EYS: variants seen among roughly 807,000 people sequenced by gnomAD.
The protein encoded by EYS is EGF-like photoreceptor maintenance factor.
In EYS, 250 loss-of-function variants were observed where a neutral mutation model predicts 282.1. The observed-to-expected ratio is 0.89, with a 90% CI of 0.80 to 0.98. The LOEUF (loss-of-function observed/expected upper bound fraction) is 0.98, where lower values mean the gene tolerates loss of function less well. Among genes scored for constraint, EYS ranks in the 50% least tolerant of loss-of-function variants. The pLI is 0.00. For synonymous variants in EYS, 1,355 were observed against 1,282.9 expected (o/e 1.06, Z -1.20); for missense variants, 4,016 against 3,709.0 (o/e 1.08, Z -2.15).
intron 18 of EYS, among the ~76,000 whole-genome samples, chr6:64,891,061 G>T (rs1419558562): frequency 6.6e-6 from 1 of 151,768 alleles, no homozygotes; most frequent in Non-Finnish European, 1.5e-5. Flanking sequence ...TGTTCAACTG[G>T]AATGTTGGGG....
At chr6:65,524,928 G>C (rs9354260) in intron 2 of EYS, among the ~76,000 whole-genome samples, 1 of 152,010 alleles carries the variant, frequency 6.6e-6, no homozygotes, top group African/African-American at 2.4e-5. Flanking sequence ...AGTGTTTATC[G>C]TTGCTGCTGG....
chr6:64,000,095 CTTATTTT>C (rs1267833809), intron 33 of EYS, among the ~76,000 whole-genome samples: 7 of 134,652 alleles, frequency 5.2e-5, no homozygotes, highest in African/African-American at 8.2e-5. Context: ...AACGATCAGA[CTTATTTT>C]TTATTTTTTA....
Position 64,682,551 on chromosome 6 carries a change from G to C in EYS, c.3444-56306C>G, listed in dbSNP as rs1055179262. 2.0e-5 allele frequency among the ~76,000 whole-genome samples: 3 copies of C among 152,020 alleles called. 1 individual carries two copies. Among genetic ancestry groups the C allele is most frequent in the Non-Finnish European group, 4.4e-5 (3 of 68,010 alleles). On this transcript the variant is annotated intron_variant, in intron 22 of 42. Coordinates refer to ENST00000503581, the MANE Select transcript of EYS (RefSeq NM_001142800.2). Reference sequence around the variant, plus strand: ...AAAATGGCAGAGTATGACCTTCCAGGGGCAGTTCATCAGAAAAGTGAAGAA... The same window carrying C: ...AAAATGGCAGAGTATGACCTTCCAGCGGCAGTTCATCAGAAAAGTGAAGAA...
chr6:64,231,411 C>G (rs1257385941), intron 30 of EYS, among the ~76,000 whole-genome samples: 1 of 152,058 alleles, frequency 6.6e-6, no homozygotes, highest in African/African-American at 2.4e-5. Context: ...TTCAAAACCC[C>G]TTGACAATCT....
At position 65,175,270 on chromosome 6, in the gene EYS, A is replaced by G. The variant is rs79829009; in HGVS notation, c.2024-117543T>C. 3.3e-3 allele frequency among the ~76,000 whole-genome samples: 507 copies of G among 151,464 alleles called. 2 individuals are homozygous for G. Among genetic ancestry groups the G allele is most frequent in the African/African-American group, 0.012 (486 of 41,494 alleles). ...AGCATTGATAGAATGTTCAACTGGA[A>G]ACAGTTTTCAGACATTTGGAATATA... is the stretch of plus-strand genomic sequence containing the variant. On this transcript the variant is annotated intron_variant, in intron 12 of 42. Coordinates refer to ENST00000503581, the MANE Select transcript of EYS (RefSeq NM_001142800.2).
At chr6:65,658,605 T>C (rs990560542) in intron 1 of EYS, among the ~76,000 whole-genome samples, 4 of 151,724 alleles carry the variant, frequency 2.6e-5, no homozygotes, top group African/African-American at 9.7e-5. Flanking sequence ...TACTCAGATA[T>C]TCAGTATATT....
At chr6:64,642,843 C>T (rs1252060832) in intron 22 of EYS, among the ~76,000 whole-genome samples, 6 of 152,176 alleles carry the variant, frequency 3.9e-5, no homozygotes, top group South Asian at 2.1e-4. Context: ...GGGCCAGGTG[C>T]GGTGGCTCAC....
chr6:64,252,966 T>C (rs1342277048), intron 30 of EYS, among the ~76,000 whole-genome samples: 1 of 152,100 alleles, frequency 6.6e-6, no homozygotes, highest in Non-Finnish European at 1.5e-5. Flanking sequence ...CATTCAATAG[T>C]TGCAGAGTAG....
intron 19 of EYS, among the ~76,000 whole-genome samples, chr6:64,852,014 A>C (rs1765901464): frequency 6.6e-6 from 1 of 152,178 alleles, no homozygotes; most frequent in Non-Finnish European, 1.5e-5. Context: ...GGGATAAAGT[A>C]CATTTATATT....
intron 15 of EYS, among the ~76,000 whole-genome samples, chr6:64,943,426 T>C (rs1418858638): frequency 6.6e-6 from 1 of 152,106 alleles, no homozygotes; most frequent in Non-Finnish European, 1.5e-5. Context: ...ACTGGTGATA[T>C]GATTCTACAC....
At chr6:65,123,627 G>A (rs1049979710) in intron 12 of EYS, among the ~76,000 whole-genome samples, 9 of 152,034 alleles carry the variant, frequency 5.9e-5, no homozygotes, top group Non-Finnish European at 1.2e-4. Flanking sequence ...AACCAGAGTG[G>A]CTAATATATG....
chr6:64,473,573 C>T (rs1020805130), intron 26 of EYS, among the ~76,000 whole-genome samples: 2 of 152,108 alleles, frequency 1.3e-5, no homozygotes, highest in Non-Finnish European at 2.9e-5. Context: ...ATGATAAATA[C>T]AATTATGTCA....
intron 5 of EYS, among the ~76,000 whole-genome samples, chr6:65,460,084 C>T (rs1453199525): frequency 6.9e-6 from 1 of 145,486 alleles, no homozygotes; most frequent in South Asian, 2.2e-4. Flanking sequence ...TACACACACA[C>T]ACACACACAC....
intron 1 of EYS, among the ~76,000 whole-genome samples, chr6:65,672,569 A>G (rs1768426577): frequency 6.6e-6 from 1 of 152,152 alleles, no homozygotes; most frequent in African/African-American, 2.4e-5. Context: ...AACAAGGCAC[A>G]TGAAGAAACT....
intron 35 of EYS, among the ~76,000 whole-genome samples, chr6:63,887,570 C>T (rs1399599408): frequency 6.6e-6 from 1 of 152,126 alleles, no homozygotes; most frequent in Non-Finnish European, 1.5e-5. Context: ...GAACTCCATC[C>T]CCTAGCCAAG....
rs151096988 is a variant in EYS, at chr6:64,951,480, C to A, written c.2260-5566G>T. ...AAGTTTGAAACAAATGTCTGCCATT[C>A]AATAAAAAAGTTTCTTAAATGCTGA... On this transcript the variant is annotated intron_variant, in intron 14 of 42. Coordinates refer to ENST00000503581, the MANE Select transcript of EYS (RefSeq NM_001142800.2). Among the ~76,000 whole-genome samples the A allele has an allele frequency of 1.1e-3, 174 of 151,836 alleles. 1 individual carries two copies. Among genetic ancestry groups the A allele is most frequent in the African/African-American group, 4.1e-3 (172 of 41,476 alleles).
In EYS at chr6:64,801,363, T is replaced by C. The variant is rs577677251; in HGVS notation, c.3443+12015A>G. 1.1e-4 allele frequency among the ~76,000 whole-genome samples: 17 copies of C among 152,300 alleles called. 1 individual carries two copies. In the South Asian group the frequency reaches 3.5e-3, roughly 32 times the overall value. ...ATTAAAAACCATATCATTCTAAGAA[T>C]TGCTAAACTATATACACAGAAAAAC... is the stretch of plus-strand genomic sequence containing the variant. On this transcript the variant is annotated intron_variant, in intron 22 of 42. Transcript: ENST00000503581.
chr6:65,015,921 T>C (rs1214032647), intron 13 of EYS, among the ~76,000 whole-genome samples: 1 of 137,822 alleles, frequency 7.3e-6, no homozygotes, highest in Non-Finnish European at 1.5e-5. Flanking sequence ...AGCGCACCCA[T>C]GTAGTCCCAG....
intron 6 of EYS, 124 bp from the exon 7 acceptor site, chr6:65,402,729 G>T: frequency 1.6e-6 from 1 of 619,728 alleles, no homozygotes; most frequent in Non-Finnish European, 2.8e-6. Context: ...TTATCTGTCA[G>T]CAATGTGGCA....
Sources: gnomAD v4.1 joint callset for allele counts (sites outside exome capture counted in the v4.1 genomes callset) on GRCh38, gnomAD v4.1.1 for gene constraint, MANE v1.5 for transcripts, NCBI Gene and HGNC (gene_info 2026-07-23, HGNC 2026-07-21) for gene names.